Variants in SKAP2 observed in about 807,000 individuals in gnomAD.
SKAP2 encodes src kinase-associated phosphoprotein 2.
Under a neutral mutation model 54.9 loss-of-function variants are expected in SKAP2, and 28 were observed. That is an observed-to-expected ratio of 0.51 (90% confidence interval 0.38 to 0.70). The LOEUF is 0.70. Among genes scored for constraint, SKAP2 ranks in the 30% least tolerant of loss-of-function variants. The pLI is 0.00. For synonymous variants in SKAP2, 137 were observed against 134.3 expected, an observed-to-expected ratio of 1.02 and a Z score of -0.14; for missense variants, 356 against 424.1, an observed-to-expected ratio of 0.84 and a Z score of 1.41.
Position 26,792,805 on chromosome 7 carries a change from T to C in SKAP2, c.307+51225A>G, listed in dbSNP as rs1004605206. On this transcript the variant is annotated intron_variant, in intron 4 of 12. Coordinates refer to ENST00000345317, the MANE Select transcript of SKAP2 (RefSeq NM_003930.5). ...ATGACATCATTTATAAGGAGGATGG[T>C]CCATTTAACTAAAAGGATCTTTTAC... 8.5e-5 allele frequency among the ~76,000 whole-genome samples: 13 copies of C among 152,282 alleles called. 1 individual carries two copies. The Middle Eastern group carries it at 0.01, about 120-fold the overall frequency.
At chr7:26,840,710 G>GA (rs1404959877) in intron 4 of SKAP2, among the ~76,000 whole-genome samples, 1 of 151,504 alleles carries the variant, frequency 6.6e-6, no homozygotes, top group South Asian at 2.1e-4. Flanking sequence ...TTGTTTTCCA[G>GA]AAAAAAATCA....
chr7:26,797,982 G>T (rs1359969954), intron 4 of SKAP2, among the ~76,000 whole-genome samples: 1 of 151,504 alleles, frequency 6.6e-6, no homozygotes, highest in African/African-American at 2.4e-5. Context: ...CTTGAAGACA[G>T]GCTATTTGAA....
chr7:26,659,654 A>G, the SKAP2 span, among the ~76,000 whole-genome samples: 18 of 152,124 alleles, frequency 1.2e-4, no homozygotes, highest in African/African-American at 3.9e-4. Flanking sequence ...TTCATTAAGA[A>G]GACATACAGT....
At chr7:26,737,053 A>G (rs1047814721) in intron 6 of SKAP2, among the ~76,000 whole-genome samples, 4 of 152,220 alleles carry the variant, frequency 2.6e-5, no homozygotes, top group African/African-American at 9.6e-5. Flanking sequence ...GTTATATGCC[A>G]GTCAGGACTA....
At chr7:26,686,662 G>C (rs887395968) in intron 10 of SKAP2, among the ~76,000 whole-genome samples, 3 of 152,210 alleles carry the variant, frequency 2.0e-5, no homozygotes, top group Non-Finnish European at 4.4e-5. Flanking sequence ...TAGACAAATA[G>C]AGATTTAGAA....
intron 9 of SKAP2, among the ~76,000 whole-genome samples, chr7:26,713,486 A>G (rs1360411451): frequency 6.6e-6 from 1 of 152,224 alleles, no homozygotes; most frequent in South Asian, 2.1e-4. Context: ...GATAAAAACA[A>G]AAAGCTTCAG....
At chr7:26,682,815 G>A (rs1266420225) in intron 11 of SKAP2, among the ~76,000 whole-genome samples, 4 of 152,184 alleles carry the variant, frequency 2.6e-5, no homozygotes, top group South Asian at 2.1e-4. Flanking sequence ...AACAGGAACT[G>A]CCTCCTTCGG....
chr7:26,732,026 T>C (rs770265023), intron 6 of SKAP2, among the ~76,000 whole-genome samples: 1 of 152,230 alleles, frequency 6.6e-6, no homozygotes, highest in Admixed American at 6.5e-5. Flanking sequence ...CTACAAGTTA[T>C]GGACATTTAT....
chr7:26,712,037 T>A (rs1052726622), intron 9 of SKAP2, among the ~76,000 whole-genome samples: 23 of 152,156 alleles, frequency 1.5e-4, no homozygotes, highest in Non-Finnish European at 8.8e-5. Flanking sequence ...GTTCTTTTTT[T>A]AAACTTGAGT....
intron 4 of SKAP2, among the ~76,000 whole-genome samples, chr7:26,743,401 A>G (rs1782497206): frequency 6.6e-6 from 1 of 152,178 alleles, no homozygotes; most frequent in Admixed American, 6.5e-5. Flanking sequence ...ATACAGGAAA[A>G]AGCATGATTC....
intron 6 of SKAP2, among the ~76,000 whole-genome samples, chr7:26,731,334 C>T (rs140718835): frequency 2.6e-5 from 4 of 152,202 alleles, no homozygotes; most frequent in Non-Finnish European, 5.9e-5. Flanking sequence ...TACAAAATCA[C>T]GGTAGAGAAG....
intron 4 of SKAP2, among the ~76,000 whole-genome samples, chr7:26,831,461 T>C (rs986612221): frequency 5.9e-5 from 9 of 152,186 alleles, no homozygotes; most frequent in African/African-American, 2.2e-4. Context: ...ATATGAGCTA[T>C]ATAGTATAGA....
chr7:26,861,941 C>A (rs1026087770), intron 1 of SKAP2, among the ~76,000 whole-genome samples: 4 of 151,674 alleles, frequency 2.6e-5, no homozygotes, highest in Non-Finnish European at 5.9e-5. Context: ...GACTTTAAAC[C>A]CCTGAAAAGT....
At chr7:26,676,310 T>C (rs1026958260) in intron 11 of SKAP2, among the ~76,000 whole-genome samples, 2 of 152,214 alleles carry the variant, frequency 1.3e-5, no homozygotes, top group Non-Finnish European at 2.9e-5. Flanking sequence ...AATATTTAAG[T>C]AGCCAGTGCT....
At chr7:26,807,772 C>A (rs767405658) in intron 4 of SKAP2, among the ~76,000 whole-genome samples, 2 of 152,212 alleles carry the variant, frequency 1.3e-5, no homozygotes, top group Non-Finnish European at 2.9e-5. Context: ...CCCAAACCTT[C>A]AGCAACCACT....
intron 1 of SKAP2, among the ~76,000 whole-genome samples, chr7:26,855,427 T>G (rs1785141529): frequency 2.0e-5 from 3 of 152,066 alleles, no homozygotes; most frequent in African/African-American, 7.2e-5. Context: ...TAGCCAAGAT[T>G]CCCAAATCAA....
At chr7:26,760,016 T>TA (rs1782890126) in intron 4 of SKAP2, among the ~76,000 whole-genome samples, 2 of 152,068 alleles carry the variant, frequency 1.3e-5, no homozygotes, top group African/African-American at 2.4e-5. Context: ...ATACTTTAAG[T>TA]AAAGTGCTCT....
chr7:26,675,994 T>G (rs1786341972), intron 11 of SKAP2, among the ~76,000 whole-genome samples: 1 of 152,248 alleles, frequency 6.6e-6, no homozygotes, highest in African/African-American at 2.4e-5. Flanking sequence ...AGACAGAATT[T>G]TGCAAAGGCA....
At position 26,838,196 on chromosome 7, in the gene SKAP2, T is replaced by C. The variant is rs548609653; in HGVS notation, c.307+5834A>G. 5.3e-5 allele frequency among the ~76,000 whole-genome samples: 8 copies of C among 152,234 alleles called. No individual in the cohort carries two copies. The East Asian group carries it at 1.5e-3, about 29-fold the overall frequency. On this transcript the variant is annotated intron_variant, in intron 4 of 12. Transcript: ENST00000345317. ...ATCTGCATCCCTCACTTCAGTATAC[T>C]CCTTCAGGGATCTCTTAATGACTAC...
Sources: allele counts gnomAD v4.1 joint callset (sites outside exome capture counted in the v4.1 genomes callset), GRCh38; gene constraint gnomAD v4.1.1; transcripts MANE v1.5; gene names NCBI Gene and HGNC (gene_info 2026-07-23, HGNC 2026-07-21).